ZNF492: variants seen among roughly 807,000 people sequenced by gnomAD.
ZNF492 encodes the protein zinc finger protein 115 (Y20).
A neutral mutation model predicts 6.4 loss-of-function variants in ZNF492; 3 were observed. The ratio of observed to expected loss-of-function variants is 0.47; its 90% CI spans 0.21 to 1.22. The LOEUF (loss-of-function observed/expected upper bound fraction) is 1.22. Ranked by LOEUF, ZNF492 falls within the 50% of genes most tolerant of loss-of-function variation. The pLI, the probability that ZNF492 is intolerant of heterozygous loss-of-function variation, is 0.22. For synonymous variants in ZNF492, 112 were observed against 205.3 expected (o/e 0.55, Z 3.89); for missense variants, 356 against 612.5 (o/e 0.58, Z 4.42).
At chr19:22,647,274 T>TA in intron 1 of ZNF492, among the ~76,000 whole-genome samples, 1 of 149,454 alleles carries the variant, frequency 6.7e-6, no homozygotes, top group Non-Finnish European at 1.5e-5. Flanking sequence ...TTTTTTTTTT[T>TA]AGGCAGAGTT....
chr19:22,665,013 C>T lies in ZNF492; in HGVS notation c.1344C>T (p.Pro448=), dbSNP rs1972107579. The part of the protein sequence containing the change: ...KHKVIHTGEK[P]YKYEECGKAF... ...AGGTAATTCATACTGGAGAGAAGCC[C>T]TACAAATATGAAGAATGTGGCAAAG... is the stretch of plus-strand genomic sequence containing the variant. Residue 448 remains proline (P), a synonymous_variant, in exon 4 of 4, where the codon CCC becomes CCT. Transcript: ENST00000456783. The T allele has an allele frequency of 6.3e-7, 1 of 1,579,902 alleles. No homozygotes were observed. Among genetic ancestry groups the T allele is most frequent in the Non-Finnish European group, 8.6e-7 (1 of 1,162,034 alleles).
Position 22,665,400 on chromosome 19 carries a change from G to A in ZNF492, c.*135G>A, listed in dbSNP as rs933528779. 29 of 1,451,156 alleles carry A rather than the reference G, an allele frequency of 2.0e-5. No homozygotes were observed. Among genetic ancestry groups the A allele is most frequent in the Non-Finnish European group, 2.4e-5 (26 of 1,099,084 alleles). 89.9% of individuals were successfully genotyped at this position (1,451,156 alleles called of 1,614,324 possible). On this transcript the variant is annotated 3_prime_UTR_variant, in exon 4 of 4. Coordinates refer to ENST00000456783, the MANE Select transcript of ZNF492 (RefSeq NM_020855.3). ...ACTTACACAATGCTCAAACCTTATT[G>A]CACAGGAAAGCCTTTATACTTGAGA...
intron 1 of ZNF492, among the ~76,000 whole-genome samples, chr19:22,641,949 ATGCC>A (rs1347105871): frequency 1.3e-5 from 2 of 151,998 alleles, no homozygotes; most frequent in Non-Finnish European, 2.9e-5. Context: ...GCCTGCCACC[ATGCC>A]CGGCTAATTT....
Position 22,661,043 on chromosome 19 carries a change from A to T in ZNF492, c.131-2757A>T, listed in dbSNP as rs11878833. 2.8e-3 allele frequency among the ~76,000 whole-genome samples: 428 copies of T among 151,974 alleles called. 3 individuals carry two copies. Among genetic ancestry groups the T allele is most frequent in the African/African-American group, 9.5e-3 (394 of 41,470 alleles). ...AAATGACACATTACTTTTACCTTGT[A>T]GCTCCTAAGACTTTCTTCTTGTCTT... On this transcript the variant is annotated intron_variant, in intron 3 of 3. Transcript: ENST00000456783.
In ZNF492 at chr19:22,664,004, T is replaced by C. The variant is rs1972088241; in HGVS notation, c.335T>C (p.Ile112Thr). 6.2e-7 allele frequency: 1 copy of C among 1,610,606 alleles called. No homozygotes were observed. The highest frequency in any genetic ancestry group is 8.5e-7 in the Non-Finnish European group (1 of 1,178,290). The change falls in exon 4 of 4, where the codon ATA (isoleucine) becomes ACA (threonine). Residue 112 changes from isoleucine to threonine, a missense_variant. Transcript: ENST00000456783. The part of the protein sequence containing the change: ...NQCLTTTQNK[I>T]FQCDKYVKVF... ...TGTTTGACGACTACCCAGAACAAAA[T>C]ATTTCAATGTGACAAATATGTGAAA...
intron 3 of ZNF492, among the ~76,000 whole-genome samples, chr19:22,654,955 A>C (rs1237924344): frequency 1.3e-5 from 2 of 151,824 alleles, no homozygotes; most frequent in East Asian, 3.9e-4. Context: ...TTGATAGAGA[A>C]TTTATTGAAT....
In ZNF492 at chr19:22,643,195, A is replaced by G. The variant is rs573375978; in HGVS notation, c.-94+8721A>G. ...AGGCTGAGGCAGGAGAATCGCTTGA[A>G]CCTGGGAGGCAGAGGTTGCAGTAAG... On this transcript the variant is annotated intron_variant, in intron 1 of 3. Coordinates refer to ENST00000456783, the MANE Select transcript of ZNF492 (RefSeq NM_020855.3). Among the ~76,000 whole-genome samples the G allele has an allele frequency of 2.0e-5, 3 of 152,128 alleles. No homozygotes were observed. In the East Asian group the frequency reaches 5.8e-4, roughly 30 times the overall value.
intron 1 of ZNF492, among the ~76,000 whole-genome samples, chr19:22,641,849 A>AG (rs1971828030): frequency 6.6e-6 from 1 of 152,068 alleles, no homozygotes; most frequent in African/African-American, 2.4e-5. Context: ...GCTGGAGTGC[A>AG]GTGGGGCGAT....
At chr19:22,649,582 G>C (rs1043458001) in intron 1 of ZNF492, among the ~76,000 whole-genome samples, 1 of 151,368 alleles carries the variant, frequency 6.6e-6, no homozygotes, top group African/African-American at 2.4e-5. Context: ...TGTAGGTTTG[G>C]CCTTTTTATG....
At chr19:22,648,248 T>C (rs2145250462) in intron 1 of ZNF492, among the ~76,000 whole-genome samples, 1 of 152,346 alleles carries the variant, frequency 6.6e-6, no homozygotes, top group African/African-American at 2.4e-5. Flanking sequence ...TTTATGTAAA[T>C]GTGTGCTTTT....
At chr19:22,639,524 A>G (rs1310631268) in intron 1 of ZNF492, among the ~76,000 whole-genome samples, 1 of 151,902 alleles carries the variant, frequency 6.6e-6, no homozygotes, top group African/African-American at 2.4e-5. Context: ...CAGCCTGACC[A>G]ACATGGAGAA....
chr19:22,640,171 T>C (rs1971812200), intron 1 of ZNF492, among the ~76,000 whole-genome samples: 1 of 152,046 alleles, frequency 6.6e-6, no homozygotes, highest in Non-Finnish European at 1.5e-5. Context: ...TGTGATTTTT[T>C]TTTTTCTTTG....
chr19:22,663,478 GT>G (rs1320196916), intron 3 of ZNF492, among the ~76,000 whole-genome samples: 4 of 152,178 alleles, frequency 2.6e-5, no homozygotes, highest in Non-Finnish European at 5.9e-5. Flanking sequence ...GAAACCAGGA[GT>G]TGGCAATTTA....
At position 22,665,671 on chromosome 19, in the gene ZNF492, A is replaced by G. The variant is rs1972117683; in HGVS notation, c.*406A>G. 6.2e-6 allele frequency: 1 copy of G among 161,828 alleles called. No homozygotes were observed. The highest frequency in any genetic ancestry group is 2.4e-5 in the African/African-American group (1 of 41,582). 10.0% of individuals were successfully genotyped at this position (161,828 alleles called of 1,614,324 possible). A position where few individuals can be genotyped will look rare whatever the true frequency, so the allele number is the denominator to read the frequency against. ...TCATTCTGTATTAGAGCAAACCCTGAGGCAATTGCTCAAACTTTGTTCAAC... is the reference window on the plus strand; with the variant it reads ...TCATTCTGTATTAGAGCAAACCCTGGGGCAATTGCTCAAACTTTGTTCAAC... On this transcript the variant is annotated 3_prime_UTR_variant, in exon 4 of 4. Transcript: ENST00000456783.
At chr19:22,657,300 C>A (rs1972005952) in intron 3 of ZNF492, among the ~76,000 whole-genome samples, 1 of 152,036 alleles carries the variant, frequency 6.6e-6, no homozygotes, top group Non-Finnish European at 1.5e-5. Flanking sequence ...ATATCAGAGG[C>A]CCTGACCATA....
At chr19:22,634,872 A>G (rs1971744676) in intron 1 of ZNF492, among the ~76,000 whole-genome samples, 1 of 152,156 alleles carries the variant, frequency 6.6e-6, no homozygotes, top group Admixed American at 6.5e-5. Flanking sequence ...CTTTTCTTCT[A>G]TTAAAAATTT....
At chr19:22,639,838 T>C (rs565762249) in intron 1 of ZNF492, among the ~76,000 whole-genome samples, 18 of 142,012 alleles carry the variant, frequency 1.3e-4, no homozygotes, top group African/African-American at 4.5e-4. Flanking sequence ...TTTGTATGCC[T>C]TTTTTTTTTT....
intron 3 of ZNF492, among the ~76,000 whole-genome samples, chr19:22,661,601 T>G (rs1172913954): frequency 7.0e-6 from 1 of 143,282 alleles, no homozygotes; most frequent in Non-Finnish European, 1.5e-5. Flanking sequence ...TGTGTTTCTC[T>G]TCTTTTTTTT....
rs1251926606 is a variant in ZNF492, at chr19:22,665,902, C to T, written c.*637C>T. On this transcript the variant is annotated 3_prime_UTR_variant, in exon 4 of 4. Coordinates refer to ENST00000456783, the MANE Select transcript of ZNF492 (RefSeq NM_020855.3). ...ATGTTAGAAATATATAAGGCAATGA[C>T]ACTTCAGACTTTACACTGAATCAGA... The T allele has an allele frequency of 6.6e-6, 1 of 152,194 alleles. No homozygotes were observed. Among genetic ancestry groups the T allele is most frequent in the Admixed American group, 6.5e-5 (1 of 15,272 alleles). 9.4% of individuals were successfully genotyped at this position (152,194 alleles called of 1,614,324 possible).
Sources: allele counts gnomAD v4.1 joint callset (sites outside exome capture counted in the v4.1 genomes callset), GRCh38; gene constraint gnomAD v4.1.1; transcripts MANE v1.5; gene names NCBI Gene and HGNC (gene_info 2026-07-23, HGNC 2026-07-21).